OCM: variants seen among roughly 807,000 people sequenced by gnomAD.
OCM encodes the protein oncomodulin-1.
A neutral mutation model predicts 14.1 loss-of-function variants in OCM; 18 were observed. The observed-to-expected ratio is 1.28, with a 90% confidence interval of 0.88 to 1.89. The LOEUF (loss-of-function observed/expected upper bound fraction) is 1.89. Among genes scored for constraint, OCM ranks in the 40% most tolerant of loss-of-function variants. The pLI is 0.00. For missense variants in OCM, 140 were observed against 137.6 expected, an observed-to-expected ratio of 1.02 and a Z score of -0.09; for synonymous variants, 48 against 51.0, an observed-to-expected ratio of 0.94 and a Z score of 0.25.
the OCM span, among the ~76,000 whole-genome samples, chr7:5,873,569 T>C: frequency 6.6e-6 from 1 of 151,976 alleles, no homozygotes; most frequent in African/African-American, 2.4e-5. Flanking sequence ...GGTCTCAAAC[T>C]TCTGGGCTCA....
upstream of OCM, among the ~76,000 whole-genome samples, chr7:5,876,191 AC>A: frequency 6.6e-6 from 1 of 152,104 alleles, no homozygotes; most frequent in Non-Finnish European, 1.5e-5. Flanking sequence ...TTTAGTAGAG[AC>A]GGAGTTTCAC....
the OCM span, among the ~76,000 whole-genome samples, chr7:5,862,794 G>C: frequency 6.6e-6 from 1 of 151,972 alleles, no homozygotes; most frequent in Non-Finnish European, 1.5e-5. Context: ...CTGAGCTCAA[G>C]ATGAATGCAT....
chr7:5,882,368 T>G, intron 1 of OCM, 125 bp from the exon 2 acceptor site: 1 of 1,159,394 alleles, frequency 8.6e-7, no homozygotes, highest in East Asian at 2.4e-5. Context: ...CTTGGACCAG[T>G]TGAGCATCCC....
the OCM span, among the ~76,000 whole-genome samples, chr7:5,872,818 A>G: frequency 2.0e-5 from 3 of 152,104 alleles, 1 homozygote; most frequent in Non-Finnish European, 4.4e-5. Flanking sequence ...CTCCACTATT[A>G]TCCTATGACC....
At chr7:5,879,328 A>G (rs1781161075), upstream of OCM, among the ~76,000 whole-genome samples, 1 of 152,188 alleles carries the variant, frequency 6.6e-6, no homozygotes, top group Non-Finnish European at 1.5e-5. Context: ...GAGTGTGTGC[A>G]ATTTATGGTA....
the OCM span, among the ~76,000 whole-genome samples, chr7:5,870,114 AT>A: frequency 6.7e-6 from 1 of 148,388 alleles, no homozygotes; most frequent in East Asian, 2.7e-4. Flanking sequence ...ATTTTATTTT[AT>A]TATTTTATAA....
the OCM span, among the ~76,000 whole-genome samples, chr7:5,868,393 C>T: frequency 1.3e-5 from 2 of 152,036 alleles, no homozygotes; most frequent in Non-Finnish European, 2.9e-5. Context: ...AATGGTCTCC[C>T]ACATTGGCCT....
chr7:5,884,912 G>A (rs1392349654), intron 3 of OCM, among the ~76,000 whole-genome samples: 1 of 151,942 alleles, frequency 6.6e-6, no homozygotes, highest in South Asian at 2.1e-4. Context: ...CTGAAGTCGG[G>A]AGTTCAAGAC....
upstream of OCM, among the ~76,000 whole-genome samples, chr7:5,879,133 C>G (rs1278969134): frequency 2.0e-5 from 3 of 151,958 alleles, no homozygotes; most frequent in Admixed American, 2.0e-4. Context: ...CCTGGGAGGT[C>G]AAGGCTGCAA....
the OCM span, among the ~76,000 whole-genome samples, chr7:5,862,798 A>G: frequency 2.0e-5 from 3 of 152,122 alleles, no homozygotes; most frequent in Non-Finnish European, 4.4e-5. Context: ...GCTCAAGATG[A>G]ATGCATCATG....
chr7:5,869,462 G>A, the OCM span, among the ~76,000 whole-genome samples: 4 of 151,994 alleles, frequency 2.6e-5, no homozygotes, highest in Admixed American at 2.6e-4. Context: ...TCCAGGCATG[G>A]TGGTGTGTGC....
upstream of OCM, among the ~76,000 whole-genome samples, chr7:5,875,506 C>T (rs185935431): frequency 6.6e-6 from 1 of 152,170 alleles, no homozygotes; most frequent in East Asian, 1.9e-4. Flanking sequence ...GGGAGTGTCA[C>T]TACATCACCC....
chr7:5,870,921 T>A, the OCM span, among the ~76,000 whole-genome samples: 3 of 151,758 alleles, frequency 2.0e-5, no homozygotes, highest in African/African-American at 7.3e-5. Context: ...AGTTTCGCTC[T>A]TGTTGCCCAG....
At chr7:5,859,836 T>C in the OCM span, among the ~76,000 whole-genome samples, 2 of 152,024 alleles carry the variant, frequency 1.3e-5, no homozygotes, top group Non-Finnish European at 2.9e-5. Context: ...TAGCTGGGAT[T>C]ACAGGCGCCC....
At chr7:5,882,034 C>T (rs1053569347) in intron 1 of OCM, among the ~76,000 whole-genome samples, 5 of 130,740 alleles carry the variant, frequency 3.8e-5, no homozygotes, top group African/African-American at 1.5e-4. Flanking sequence ...TTGCAGTGAG[C>T]CGAGATCACG....
At chr7:5,878,632 A>G (rs1583169753), upstream of OCM, among the ~76,000 whole-genome samples, 1 of 151,622 alleles carries the variant, frequency 6.6e-6, no homozygotes, top group Non-Finnish European at 1.5e-5. Flanking sequence ...CTGCAGTCCC[A>G]GCTGCTCAGG....
At chr7:5,868,602 A>G in the OCM span, among the ~76,000 whole-genome samples, 4 of 152,146 alleles carry the variant, frequency 2.6e-5, no homozygotes, top group African/African-American at 7.2e-5. Context: ...AGACATAGCC[A>G]GTAGTCTCTC....
At chr7:5,884,546 T>A (rs1276305861) in intron 3 of OCM, among the ~76,000 whole-genome samples, 6 of 152,114 alleles carry the variant, frequency 3.9e-5, no homozygotes, top group Non-Finnish European at 8.8e-5. Context: ...GAATCCTAGG[T>A]TTGAGCTTTA....
chr7:5,867,680 C>A, the OCM span, among the ~76,000 whole-genome samples: 2 of 151,994 alleles, frequency 1.3e-5, no homozygotes, highest in South Asian at 4.2e-4. Flanking sequence ...TTTATTTCTT[C>A]CAGAATTGTT....
Sources: allele counts gnomAD v4.1 joint callset (sites outside exome capture counted in the v4.1 genomes callset), GRCh38; gene constraint gnomAD v4.1.1; transcripts MANE v1.5; gene names NCBI Gene and HGNC (gene_info 2026-07-23, HGNC 2026-07-21).